The following HEG1 variants were observed in gnomAD, a reference collection of about 807,000 sequenced individuals.
The protein encoded by HEG1 is heart development protein with EGF like domains 1, also known as protein HEG homolog 1.
In HEG1, 56 loss-of-function variants were observed where a neutral mutation model predicts 125.6. The ratio of observed to expected loss-of-function variants is 0.45; its 90% CI spans 0.36 to 0.56. The LOEUF (loss-of-function observed/expected upper bound fraction) is 0.56. Ranked by LOEUF, HEG1 falls within the 20% of genes least tolerant of loss-of-function variation. HEG1 has a pLI of 0.00. For missense variants in HEG1, 1,523 were observed against 1,670.0 expected (o/e 0.91, Z 1.53); for synonymous variants, 644 against 668.5 (o/e 0.96, Z 0.57).
At chr3:125,030,396 T>TTTA (rs774618269) in intron 1 of HEG1, among the ~76,000 whole-genome samples, 1 of 152,236 alleles carries the variant, frequency 6.6e-6, no homozygotes, top group Non-Finnish European at 1.5e-5. Flanking sequence ...GCTGCATAGA[T>TTTA]GTTCATTACA....
rs1200858974 is a variant in HEG1, at chr3:125,010,488, G to A, written c.3024C>T (p.Gly1008=). 6.4e-7 allele frequency: 1 copy of A among 1,560,246 alleles called. No homozygotes were observed. The highest frequency in any genetic ancestry group is 8.7e-7 in the Non-Finnish European group (1 of 1,151,446). The change falls in exon 7 of 17, where the codon GGC becomes GGT. Residue 1008 remains glycine (G), a synonymous_variant. Transcript: ENST00000311127. ...GECVADNTSR[G]YHCRCPPSWQ... ...AGGAAGGCGGGCACCTGCAGTGGTA[G>A]CCACGGCTGGTGTTGTCTGCGACGC...
intron 14 of HEG1, among the ~76,000 whole-genome samples, chr3:124,984,248 T>G (rs1392252387): frequency 6.6e-6 from 1 of 151,946 alleles, no homozygotes; most frequent in Non-Finnish European, 1.5e-5. Flanking sequence ...GGGCTGTCAG[T>G]GGGGAAGGCA....
intron 15 of HEG1, among the ~76,000 whole-genome samples, chr3:124,975,177 C>A (rs549587068): frequency 6.6e-6 from 1 of 152,300 alleles, no homozygotes; most frequent in South Asian, 2.1e-4. Context: ...CCTAGTTGGG[C>A]AGTTAGGGCA....
chr3:125,021,802 CTTA>C (rs1937339029), intron 3 of HEG1, among the ~76,000 whole-genome samples: 1 of 152,218 alleles, frequency 6.6e-6, no homozygotes, highest in Non-Finnish European at 1.5e-5. Flanking sequence ...GCAGGAAATA[CTTA>C]TTATTACCCC....
intron 1 of HEG1, among the ~76,000 whole-genome samples, chr3:125,036,381 C>T (rs12637581): frequency 0.14 from 20,865 of 151,270 alleles, 1,892 homozygotes; most frequent in East Asian, 0.43. Flanking sequence ...GAAAAAATTA[C>T]TAAGATAATC....
In HEG1 at chr3:124,968,958, C is replaced by T. The variant is rs1936374028; in HGVS notation, c.*1694G>A. The T allele has an allele frequency of 6.6e-6, 1 of 152,232 alleles. No individual in the cohort carries two copies. Among genetic ancestry groups the T allele is most frequent in the Non-Finnish European group, 1.5e-5 (1 of 68,048 alleles). The allele number at this position is 152,232 out of a possible 1,614,324, so 9.4% of individuals were successfully genotyped here. A position where few individuals can be genotyped will look rare whatever the true frequency, so the allele number is the denominator to read the frequency against. ...AAATGCACCTCCCCTGACTAGGACT[C>T]TTGCTACAGCAGGGTGATGGTGAGT... On this transcript the variant is annotated 3_prime_UTR_variant, in exon 17 of 17. Transcript: ENST00000311127.
At chr3:125,049,467 C>A (rs1241483268) in intron 1 of HEG1, among the ~76,000 whole-genome samples, 1 of 152,206 alleles carries the variant, frequency 6.6e-6, no homozygotes, top group Admixed American at 6.5e-5. Context: ...TTAACTACTG[C>A]CCCTCAGGGC....
intron 8 of HEG1, among the ~76,000 whole-genome samples, chr3:125,005,865 A>G (rs960634016): frequency 6.6e-6 from 1 of 152,162 alleles, no homozygotes; most frequent in Non-Finnish European, 1.5e-5. Context: ...CCACCACTTC[A>G]AGGGGGTGCT....
At chr3:125,014,358 A>G (rs1463343239) in intron 5 of HEG1, among the ~76,000 whole-genome samples, 1 of 152,204 alleles carries the variant, frequency 6.6e-6, no homozygotes, top group Non-Finnish European at 1.5e-5. Context: ...CCCCAAATAG[A>G]ATAACTGTTA....
chr3:125,021,994 C>T (rs905835235), intron 3 of HEG1, among the ~76,000 whole-genome samples: 1 of 152,144 alleles, frequency 6.6e-6, no homozygotes, highest in Non-Finnish European at 1.5e-5. Flanking sequence ...TCAAGAGCCT[C>T]AAGGAGTGAA....
chr3:125,010,569 C>T lies in HEG1; in HGVS notation c.2957-14G>A. ...CACAGCTGTTGACTACAAACACATT[C>T]CAGGAGTAAAGCAGTTAACCACACA... On this transcript the variant is annotated splice_polypyrimidine_tract_variant and intron_variant, in intron 6 of 16. Transcript: ENST00000311127. 1 of 1,491,700 alleles carries T rather than the reference C, an allele frequency of 6.7e-7. No individual in the cohort carries two copies. Among genetic ancestry groups the T allele is most frequent in the East Asian group, 2.5e-5 (1 of 40,220 alleles). 92.4% of individuals were successfully genotyped at this position (1,491,700 alleles called of 1,614,324 possible). A position where few individuals can be genotyped will look rare whatever the true frequency, so the allele number is the denominator to read the frequency against.
chr3:125,011,070 C>T (rs924058762), intron 6 of HEG1, among the ~76,000 whole-genome samples: 8 of 152,172 alleles, frequency 5.3e-5, no homozygotes, highest in African/African-American at 1.9e-4. Flanking sequence ...GTAACTCAGC[C>T]TCCACATATT....
Position 124,987,952 on chromosome 3 carries a change from C to CACACACACACACACACACACAT in HEG1, c.3733+2834_3733+2835insATGTGTGTGTGTGTGTGTGTGT. 7.8e-3 allele frequency among the ~76,000 whole-genome samples: 424 copies of CACACACACACACACACACACAT among 54,598 alleles called. 13 individuals are homozygous for CACACACACACACACACACACAT. Among genetic ancestry groups the CACACACACACACACACACACAT allele is most frequent in the Non-Finnish European group, 0.011 (243 of 21,704 alleles). The allele number at this position is 54,598 out of a possible 152,430, so 35.8% of individuals were successfully genotyped here. A position where few individuals can be genotyped will look rare whatever the true frequency, so the allele number is the denominator to read the frequency against. ...ACACACACACACACACACACACACACATATATATATATATATATATATACC... is the reference window on the plus strand; with the variant it reads ...ACACACACACACACACACACACACACACACACACACACACACACACATATATATATATATATATATATATACC... On this transcript the variant is annotated intron_variant, in intron 14 of 16. Transcript: ENST00000311127.
chr3:124,978,322 T>C (rs906187147), intron 14 of HEG1, among the ~76,000 whole-genome samples: 2 of 152,136 alleles, frequency 1.3e-5, no homozygotes, highest in African/African-American at 4.8e-5. Flanking sequence ...TAATTTTTTG[T>C]ATTTTTAGTA....
At chr3:125,017,041 T>C (rs1221147171) in intron 5 of HEG1, among the ~76,000 whole-genome samples, 2 of 149,066 alleles carry the variant, frequency 1.3e-5, no homozygotes, top group Non-Finnish European at 1.5e-5. Flanking sequence ...AAGGACTGTA[T>C]CCAAAATATG....
At chr3:124,983,541 C>T (rs1427833212) in intron 14 of HEG1, among the ~76,000 whole-genome samples, 2 of 150,400 alleles carry the variant, frequency 1.3e-5, no homozygotes, top group Non-Finnish European at 3.0e-5. Flanking sequence ...CGCTATGTTG[C>T]CCAGGTTGGT....
chr3:124,999,808 A>G (rs1472785596), intron 11 of HEG1, among the ~76,000 whole-genome samples: 1 of 152,258 alleles, frequency 6.6e-6, no homozygotes, highest in African/African-American at 2.4e-5. Context: ...CATCCGCCAA[A>G]ACAGACAATG....
chr3:125,025,326 G>A (rs1937400625), intron 3 of HEG1, among the ~76,000 whole-genome samples: 1 of 152,176 alleles, frequency 6.6e-6, no homozygotes, highest in African/African-American at 2.4e-5. Context: ...TTGGATGCCT[G>A]GTGAGAACCC....
intron 1 of HEG1, among the ~76,000 whole-genome samples, chr3:125,054,326 C>T (rs772909801): frequency 5.9e-5 from 9 of 152,162 alleles, no homozygotes; most frequent in Non-Finnish European, 1.0e-4. Flanking sequence ...AATCTTATGC[C>T]AGTGATTTAA....
Sources: gnomAD v4.1 joint callset for allele counts (sites outside exome capture counted in the v4.1 genomes callset) on GRCh38, gnomAD v4.1.1 for gene constraint, MANE v1.5 for transcripts, NCBI Gene and HGNC (gene_info 2026-07-23, HGNC 2026-07-21) for gene names.